Variants in NF1 observed in about 807,000 individuals in gnomAD.
The protein encoded by NF1 is neurofibromin 1, also known as neurofibromin.
Under a neutral mutation model 325.7 loss-of-function variants are expected in NF1, and 122 were observed. The ratio of observed to expected loss-of-function variants is 0.37; its 90% CI spans 0.32 to 0.44. The LOEUF (loss-of-function observed/expected upper bound fraction) is 0.44. Ranked by LOEUF, NF1 falls within the 20% of genes least tolerant of loss-of-function variation. NF1 has a pLI of 1.00. For synonymous variants in NF1, 1,091 were observed against 1,186.0 expected (o/e 0.92, Z 1.65); for missense variants, 2,140 against 3,415.4 (o/e 0.63, Z 9.31).
chr17:31,363,964 C>T (rs760033310), intron 57 of NF1, among the ~76,000 whole-genome samples: 13 of 150,986 alleles, frequency 8.6e-5, no homozygotes, highest in Non-Finnish European at 1.5e-4. Context: ...TGGTCTCGAA[C>T]TCCTGACCTT....
chr17:31,193,732 T>C lies in NF1; in HGVS notation c.889-6690T>C, dbSNP rs1031321540. ...TTTAAAAATGGGCAAAGGACCTGAA[T>C]AGACATTTCTTAAAAGAAGACAGAC... On this transcript the variant is annotated intron_variant, in intron 8 of 57. Coordinates refer to ENST00000358273, the MANE Select transcript of NF1 (RefSeq NM_001042492.3). Among the ~76,000 whole-genome samples the C allele has an allele frequency of 1.8e-4, 27 of 151,992 alleles. 1 individual carries two copies.
chr17:31,156,266 G>A (rs1000528936), intron 2 of NF1, 140 bp downstream of exon 2: 25 of 1,028,468 alleles, frequency 2.4e-5, no homozygotes, highest in Non-Finnish European at 3.3e-5. Context: ...TTTTGTTTAC[G>A]AGCACAGATA....
At chr17:31,345,882 C>G in intron 48 of NF1, 1 of 1,589,876 alleles carries the variant, frequency 6.3e-7, no homozygotes, top group Admixed American at 1.7e-5. Flanking sequence ...ACTTAAAGAT[C>G]GTCTCAGCCG....
chr17:31,219,169 A>G (rs1244123790), intron 14 of NF1, 51 bp downstream of exon 14: 5 of 1,562,086 alleles, frequency 3.2e-6, no homozygotes, highest in Admixed American at 3.5e-5. Context: ...GTAACTATGT[A>G]CATTCATGAT....
chr17:31,285,674 C>G (rs1312961557), intron 36 of NF1, among the ~76,000 whole-genome samples: 1 of 152,074 alleles, frequency 6.6e-6, no homozygotes, highest in Admixed American at 6.6e-5. Flanking sequence ...ATGATGAAAC[C>G]CCATCACCTG....
chr17:31,294,942 A>G (rs1187197460), intron 36 of NF1: 1 of 1,600,874 alleles, frequency 6.2e-7, no homozygotes, highest in Non-Finnish European at 8.6e-7. Context: ...CTGGTTAGAT[A>G]TGGACATATT....
At chr17:31,297,091 T>C (rs573203874) in intron 36 of NF1, 10 of 152,362 alleles carry the variant, frequency 6.6e-5, no homozygotes, top group Admixed American at 2.6e-4. Flanking sequence ...ACGTTGACTT[T>C]TTCTTAAAAG....
chr17:31,243,213 T>TGTGTGTGTGTG (rs57229549), intron 29 of NF1, among the ~76,000 whole-genome samples: 6 of 150,846 alleles, frequency 4.0e-5, no homozygotes, highest in Admixed American at 6.6e-5. Context: ...TGTGTGTGTG[T>TGTGTGTGTGTG]TGAGCTGCCT....
chr17:31,304,283 G>A (rs2068646254), intron 36 of NF1: 7 of 1,610,904 alleles, frequency 4.3e-6, no homozygotes, highest in Non-Finnish European at 4.2e-6. Context: ...TCTGCAGGTG[G>A]AGGTGGCAGG....
At chr17:31,334,246 G>A (rs887134465) in intron 39 of NF1, among the ~76,000 whole-genome samples, 2 of 151,392 alleles carry the variant, frequency 1.3e-5, no homozygotes, top group African/African-American at 4.9e-5. Context: ...GCAGTGAGCC[G>A]AGATCGCTCC....
chr17:31,331,459 A>C (rs909311385), intron 39 of NF1: 8 of 152,206 alleles, frequency 5.3e-5, no homozygotes, highest in African/African-American at 1.9e-4. Flanking sequence ...ATAAAAGTGC[A>C]ATAATAGCTA....
chr17:31,192,668 A>T (rs978593765), intron 8 of NF1, among the ~76,000 whole-genome samples: 3 of 152,174 alleles, frequency 2.0e-5, no homozygotes, highest in African/African-American at 7.2e-5. Context: ...GGAAAAGGGG[A>T]TTCTCTATAG....
chr17:31,307,358 CAGG>C (rs1437143798), intron 36 of NF1, among the ~76,000 whole-genome samples: 1 of 152,130 alleles, frequency 6.6e-6, no homozygotes, highest in African/African-American at 2.4e-5. Context: ...TAAAAGTATG[CAGG>C]AGATGTACAG....
chr17:31,233,239 G>A (rs747790336), intron 27 of NF1, 26 bp downstream of exon 27: 1 of 1,582,866 alleles, frequency 6.3e-7, no homozygotes, highest in Non-Finnish European at 8.7e-7. Context: ...AAGCGGGGAA[G>A]AAAAGTGCCT....
chr17:31,335,853 A>ATTTTTTTT (rs71360768), intron 40 of NF1, among the ~76,000 whole-genome samples: 1 of 112,760 alleles, frequency 8.9e-6, no homozygotes, highest in Non-Finnish European at 1.7e-5. Flanking sequence ...TAATTTTTGT[A>ATTTTTTTT]TTTTTTTTTT....
intron 51 of NF1, among the ~76,000 whole-genome samples, chr17:31,352,647 T>G (rs1245200790): frequency 6.6e-6 from 1 of 152,132 alleles, no homozygotes; most frequent in Non-Finnish European, 1.5e-5. Context: ...TACTAAATAT[T>G]GTGACTCTCC....
Position 31,235,570 on chromosome 17 carries a change from A to G in NF1, c.3709-41A>G. 5.6e-6 allele frequency: 9 copies of G among 1,611,892 alleles called. No individual in the cohort carries two copies. The South Asian group carries it at 7.7e-5, about 14-fold the overall frequency. On this transcript the variant is annotated intron_variant, in intron 27 of 57. Coordinates refer to ENST00000358273, the MANE Select transcript of NF1 (RefSeq NM_001042492.3). The stretch of plus-strand genomic sequence containing the variant: ...TTTAGCTTCCTACCTAAGAATAAAA[A>G]TGGGATTGTTTGCACTAACCTGATT...
intron 29 of NF1, among the ~76,000 whole-genome samples, chr17:31,236,728 G>A (rs2067210710): frequency 6.6e-6 from 1 of 151,846 alleles, no homozygotes; most frequent in African/African-American, 2.4e-5. Flanking sequence ...TGGGATTACA[G>A]GTGTGAGCCA....
At chr17:31,169,242 G>A (rs1275265072) in intron 4 of NF1, among the ~76,000 whole-genome samples, 2 of 152,062 alleles carry the variant, frequency 1.3e-5, no homozygotes, top group South Asian at 2.1e-4. Context: ...TCAAGCCCAA[G>A]GTGACCTGCC....
Sources: allele counts gnomAD v4.1 joint callset (sites outside exome capture counted in the v4.1 genomes callset), GRCh38; gene constraint gnomAD v4.1.1; transcripts MANE v1.5; gene names NCBI Gene and HGNC (gene_info 2026-07-23, HGNC 2026-07-21).